The following PITPNC1 variants were observed in gnomAD, a reference collection of about 807,000 sequenced individuals.
The protein encoded by PITPNC1 is cytoplasmic phosphatidylinositol transfer protein 1.
PITPNC1 carries 18 observed loss-of-function variants against 44.7 expected under a neutral mutation model. That is an observed-to-expected ratio of 0.40 (90% confidence interval 0.28 to 0.60). The LOEUF is 0.60. Among genes scored for constraint, PITPNC1 ranks in the 20% least tolerant of loss-of-function variants. PITPNC1 has a pLI of 0.39. For missense variants in PITPNC1, 290 were observed against 418.4 expected (o/e 0.69, Z 2.68); for synonymous variants, 141 against 149.6 (o/e 0.94, Z 0.42).
rs1158150436 is a variant in PITPNC1 at position 67,377,999 on chromosome 17, G to A, written c.-156G>A. The A allele has an allele frequency of 4.4e-6, 2 of 453,438 alleles. No individual in the cohort carries two copies. Among genetic ancestry groups the A allele is most frequent in the Non-Finnish European group, 7.7e-6 (2 of 261,340 alleles). 28.1% of individuals were successfully genotyped at this position (453,438 alleles called of 1,614,324 possible). A position where few individuals can be genotyped will look rare whatever the true frequency, so the allele number is the denominator to read the frequency against. ...CCCTGACATGCTCTGGGGCGGAGAGGAGGAAGCCAGGAGCTGAGCGCGCCG... is the reference window on the plus strand; with the variant it reads ...CCCTGACATGCTCTGGGGCGGAGAGAAGGAAGCCAGGAGCTGAGCGCGCCG... On this transcript the variant is annotated 5_prime_UTR_variant, in exon 1 of 9. Coordinates refer to ENST00000581322, the MANE Select transcript of PITPNC1 (RefSeq NM_012417.4).
intron 5 of PITPNC1, among the ~76,000 whole-genome samples, chr17:67,579,667 G>T (rs140221982): frequency 4.7e-4 from 65 of 139,660 alleles, no homozygotes; most frequent in African/African-American, 1.6e-3. Flanking sequence ...GCCTGGGCGC[G>T]GTAGCTCACG....
chr17:67,391,765 G>C (rs1046746639), intron 1 of PITPNC1, among the ~76,000 whole-genome samples: 3 of 152,088 alleles, frequency 2.0e-5, no homozygotes, highest in Non-Finnish European at 4.4e-5. Flanking sequence ...ACAGGAGTGA[G>C]CCACCGCACC....
At chr17:67,408,744 C>CTCTTTCTT (rs1362968532) in intron 1 of PITPNC1, 1 of 125,036 alleles carries the variant, frequency 8.0e-6, no homozygotes, top group African/African-American at 3.5e-5. Context: ...CTTTCTTTCT[C>CTCTTTCTT]TCTTTCTTTC....
intron 1 of PITPNC1, among the ~76,000 whole-genome samples, chr17:67,418,503 C>G (rs1031560110): frequency 1.3e-5 from 2 of 151,728 alleles, no homozygotes; most frequent in Non-Finnish European, 2.9e-5. Flanking sequence ...TGTGTTGTTG[C>G]GGGGAAGGAA....
At chr17:67,465,998 T>C (rs571451362) in intron 1 of PITPNC1, among the ~76,000 whole-genome samples, 75 of 151,390 alleles carry the variant, frequency 5.0e-4, no homozygotes, top group African/African-American at 1.7e-3. Flanking sequence ...CCTTTATTTA[T>C]TTATTTATTT....
intron 6 of PITPNC1, among the ~76,000 whole-genome samples, chr17:67,647,070 A>C (rs1188774162): frequency 6.6e-6 from 1 of 152,150 alleles, no homozygotes; most frequent in African/African-American, 2.4e-5. Flanking sequence ...CCCGAGTCTC[A>C]GTGACTAAAT....
intron 1 of PITPNC1, among the ~76,000 whole-genome samples, chr17:67,506,899 A>G (rs2040110643): frequency 6.6e-6 from 1 of 152,240 alleles, no homozygotes; most frequent in Admixed American, 6.5e-5. Flanking sequence ...ACTAGGAAGA[A>G]TATGTACCCA....
intron 1 of PITPNC1, among the ~76,000 whole-genome samples, chr17:67,492,576 T>C (rs1186260775): frequency 6.6e-6 from 1 of 152,134 alleles, no homozygotes; most frequent in African/African-American, 2.4e-5. Context: ...AAGTTTGTGG[T>C]GATTTGATAA....
chr17:67,460,725 T>C (rs1417370609), intron 1 of PITPNC1, among the ~76,000 whole-genome samples: 1 of 144,194 alleles, frequency 6.9e-6, no homozygotes, highest in Non-Finnish European at 1.5e-5. Context: ...CTTTCTTTTT[T>C]CTTTTTCTTT....
intron 1 of PITPNC1, among the ~76,000 whole-genome samples, chr17:67,506,429 C>T (rs980798489): frequency 1.3e-5 from 2 of 152,008 alleles, no homozygotes; most frequent in African/African-American, 4.8e-5. Flanking sequence ...AAGGAATGGC[C>T]CTCATGGGGT....
At chr17:67,579,813 G>A (rs1866797372) in intron 5 of PITPNC1, among the ~76,000 whole-genome samples, 2 of 151,760 alleles carry the variant, frequency 1.3e-5, no homozygotes, top group South Asian at 2.1e-4. Flanking sequence ...GGTGGCGCAT[G>A]CCTGTAATCC....
At chr17:67,659,827 A>C (rs1225267494) in intron 6 of PITPNC1, among the ~76,000 whole-genome samples, 1 of 152,182 alleles carries the variant, frequency 6.6e-6, no homozygotes, top group Non-Finnish European at 1.5e-5. Context: ...GATTTTGGAC[A>C]TAAGTATACA....
At chr17:67,394,111 T>G (rs556146456) in intron 1 of PITPNC1, among the ~76,000 whole-genome samples, 3 of 152,194 alleles carry the variant, frequency 2.0e-5, no homozygotes, top group African/African-American at 4.8e-5. Context: ...GTGCTGAGAT[T>G]ACAAGCGTGA....
chr17:67,424,379 G>A lies in PITPNC1; in HGVS notation c.48+46177G>A, dbSNP rs151105921. On this transcript the variant is annotated intron_variant, in intron 1 of 8. Transcript: ENST00000581322. ...GACCTTCAAGAAAACTGGGCTGGCT[G>A]GGCGCAGTGGCTCACTCCTGTAATC... 8.7e-3 allele frequency among the ~76,000 whole-genome samples: 1,323 copies of A among 152,188 alleles called. 17 individuals carry two copies. The highest frequency in any genetic ancestry group is 0.029 in the African/African-American group (1,222 of 41,512).
intron 1 of PITPNC1, among the ~76,000 whole-genome samples, chr17:67,400,338 C>T (rs1214286118): frequency 6.6e-6 from 1 of 152,156 alleles, no homozygotes; most frequent in Non-Finnish European, 1.5e-5. Flanking sequence ...GTTTATGTTG[C>T]TATGGTGGTG....
intron 1 of PITPNC1, among the ~76,000 whole-genome samples, chr17:67,388,854 C>T (rs142874613): frequency 0.015 from 2,239 of 152,190 alleles, 60 homozygotes; most frequent in African/African-American, 0.051. Context: ...TCCTGACCTC[C>T]GGTGATCCAC....
intron 6 of PITPNC1, among the ~76,000 whole-genome samples, chr17:67,659,660 G>A (rs188201060): frequency 4.9e-4 from 74 of 152,214 alleles, no homozygotes; most frequent in Admixed American, 4.0e-3. Context: ...AGGAATTGAT[G>A]GTGGCCATCT....
intron 6 of PITPNC1, among the ~76,000 whole-genome samples, chr17:67,665,959 G>C (rs1249259193): frequency 1.3e-5 from 2 of 151,714 alleles, no homozygotes; most frequent in African/African-American, 4.8e-5. Context: ...TCTTGCCTCA[G>C]CCTCCCTAGT....
intron 1 of PITPNC1, among the ~76,000 whole-genome samples, chr17:67,461,006 G>T (rs2039329964): frequency 6.6e-6 from 1 of 152,146 alleles, no homozygotes; most frequent in South Asian, 2.1e-4. Flanking sequence ...CTCCCAGAGT[G>T]CTGGGATTGT....
Sources: allele counts gnomAD v4.1 joint callset (sites outside exome capture counted in the v4.1 genomes callset), GRCh38; gene constraint gnomAD v4.1.1; transcripts MANE v1.5; gene names NCBI Gene and HGNC (gene_info 2026-07-23, HGNC 2026-07-21).